Variants in ZFC3H1 observed in about 807,000 individuals in gnomAD.
The protein encoded by ZFC3H1 is zinc finger C3H1-type containing, also known as zinc finger C3H1 domain-containing protein.
ZFC3H1 carries 71 observed loss-of-function variants against 243.7 expected under a neutral mutation model. The observed-to-expected ratio is 0.29, with a 90% CI of 0.24 to 0.36. The LOEUF (loss-of-function observed/expected upper bound fraction) is 0.36, where lower values mean the gene tolerates loss of function less well. ZFC3H1 is among the 10% of genes least tolerant of loss of function. The pLI is 1.00. For missense variants in ZFC3H1, 1,966 were observed against 2,317.1 expected (o/e 0.85, Z 3.11); for synonymous variants, 838 against 813.0 (o/e 1.03, Z -0.52).
chr12:71,648,483 G>A (rs1480557375), intron 2 of ZFC3H1, among the ~76,000 whole-genome samples: 2 of 152,182 alleles, frequency 1.3e-5, no homozygotes, highest in Middle Eastern at 6.8e-3. Context: ...AGCTAAAACA[G>A]ATTATGTTAA....
Position 71,610,362 on chromosome 12 carries a change from C to A in ZFC3H1, c.*66G>T. 1 of 1,564,308 alleles carries A rather than the reference C, an allele frequency of 6.4e-7. No homozygotes were observed. Among genetic ancestry groups the A allele is most frequent in the Non-Finnish European group, 8.7e-7 (1 of 1,151,984 alleles). The stretch of plus-strand genomic sequence containing the variant: ...GACCTTAGCCAGGGATCAGCCTAAT[C>A]TTGAAGAATCATTCAAATAATTTTG... On this transcript the variant is annotated 3_prime_UTR_variant, in exon 35 of 35. Coordinates refer to ENST00000378743, the MANE Select transcript of ZFC3H1 (RefSeq NM_144982.5).
At chr12:71,620,961 A>T (rs184136270) in intron 24 of ZFC3H1, among the ~76,000 whole-genome samples, 2 of 152,364 alleles carry the variant, frequency 1.3e-5, no homozygotes, top group East Asian at 1.9e-4. Context: ...ATAAGGACTC[A>T]TATCTAACCA....
intron 27 of ZFC3H1, among the ~76,000 whole-genome samples, chr12:71,618,180 G>T (rs2137518113): frequency 6.6e-6 from 1 of 152,018 alleles, no homozygotes; most frequent in East Asian, 1.9e-4. Flanking sequence ...CAGGAGAATT[G>T]CTTGAACCTG....
At chr12:71,616,090 G>T (rs1178392714) in intron 27 of ZFC3H1, among the ~76,000 whole-genome samples, 1 of 152,100 alleles carries the variant, frequency 6.6e-6, no homozygotes, top group Non-Finnish European at 1.5e-5. Flanking sequence ...AGGAGTTCAA[G>T]ATCAGCCTGG....
chr12:71,634,336 A>G (rs535231862), intron 11 of ZFC3H1, 32 bp from the exon 12 acceptor site: 61 of 1,595,422 alleles, frequency 3.8e-5, no homozygotes, highest in Non-Finnish European at 4.9e-5. Context: ...TATGCATTAC[A>G]CCCAAGAATA....
At chr12:71,623,666 C>A in intron 23 of ZFC3H1, 69 bp from the exon 24 acceptor site, 2 of 1,130,450 alleles carry the variant, frequency 1.8e-6, no homozygotes, top group South Asian at 1.5e-5. Context: ...ATAATTTTTA[C>A]TATGCTAAAG....
rs761221429 is a variant in ZFC3H1, at chr12:71,631,005, G to A, written c.3471-51C>T. ...TATTATGCCCAACAAACATTCCTCA[G>A]AAAACTAAGAAAACTTTAGTTTTTC... On this transcript the variant is annotated intron_variant, in intron 16 of 34. Transcript: ENST00000378743. 3 of 1,440,298 alleles carry A rather than the reference G, an allele frequency of 2.1e-6. No homozygotes were observed. In the South Asian group the frequency reaches 5.0e-5, roughly 24 times the overall value. The allele number at this position is 1,440,298 out of a possible 1,614,324, so 89.2% of individuals were successfully genotyped here. A position where few individuals can be genotyped will look rare whatever the true frequency, so the allele number is the denominator to read the frequency against.
intron 24 of ZFC3H1, among the ~76,000 whole-genome samples, chr12:71,623,085 A>G (rs1441754183): frequency 6.6e-6 from 1 of 152,154 alleles, no homozygotes; most frequent in Non-Finnish European, 1.5e-5. Flanking sequence ...AAACTTACAT[A>G]ATTTATTTTC....
chr12:71,634,900 C>A, intron 10 of ZFC3H1, 75 bp from the exon 11 acceptor site: 1 of 1,483,584 alleles, frequency 6.7e-7, no homozygotes. Flanking sequence ...TTATATTTTA[C>A]ATTGCAACCC....
At chr12:71,647,493 A>G (rs1880757577) in intron 3 of ZFC3H1, among the ~76,000 whole-genome samples, 1 of 152,180 alleles carries the variant, frequency 6.6e-6, no homozygotes. Context: ...AAAGGTTTCA[A>G]AAAACAAATG....
chr12:71,614,408 T>C, intron 30 of ZFC3H1, 127 bp downstream of exon 30: 1 of 846,310 alleles, frequency 1.2e-6, no homozygotes, highest in Non-Finnish European at 1.7e-6. Context: ...TAGTCAAGAA[T>C]AATAGTGAAT....
intron 24 of ZFC3H1, among the ~76,000 whole-genome samples, chr12:71,621,505 C>T (rs774631349): frequency 2.0e-5 from 3 of 151,892 alleles, no homozygotes; most frequent in African/African-American, 7.3e-5. Context: ...GGTTTCACCA[C>T]GTTGGCCAGG....
In ZFC3H1 at chr12:71,663,287, T is replaced by C. The variant is rs1465068334; in HGVS notation, c.324A>G (p.Glu108=). ...CAGAAGGCGGATGAGACCGGAACGGTTCTTTGGGTCGGTAGCTGCTGGGTC... is the reference window on the plus strand; with the variant it reads ...CAGAAGGCGGATGAGACCGGAACGGCTCTTTGGGTCGGTAGCTGCTGGGTC... ...LRGPSSYRPK[E]PFRSHPPSVR... The change falls in exon 1 of 35, where the codon GAA becomes GAG. Residue 108 remains glutamate (E), a synonymous_variant. Coordinates refer to ENST00000378743, the MANE Select transcript of ZFC3H1 (RefSeq NM_144982.5). 3 of 1,613,300 alleles carry C rather than the reference T, an allele frequency of 1.9e-6. No individual in the cohort carries two copies. In the South Asian group the frequency reaches 3.3e-5, roughly 18 times the overall value.
chr12:71,628,166 T>G (rs1294904065), intron 20 of ZFC3H1, among the ~76,000 whole-genome samples: 1 of 152,172 alleles, frequency 6.6e-6, no homozygotes, highest in Non-Finnish European at 1.5e-5. Flanking sequence ...AAGGAGTAAT[T>G]AGAACTCTGC....
rs1879734518 is a variant in ZFC3H1, at chr12:71,610,245, A to G, written c.*183T>C. The G allele has an allele frequency of 4.6e-6, 3 of 646,466 alleles. No homozygotes were observed. The highest frequency in any genetic ancestry group is 3.3e-5 in the Admixed American group (1 of 30,288). The allele number at this position is 646,466 out of a possible 1,614,324, so 40.0% of individuals were successfully genotyped here. On this transcript the variant is annotated 3_prime_UTR_variant, in exon 35 of 35. Transcript: ENST00000378743. ...GCCAAACAGGAAGTTCATTTATCCA[A>G]CCGAAGAGGATCATGTTCATTGCTT...
At position 71,631,981 on chromosome 12, in the gene ZFC3H1, C is replaced by T; in HGVS notation, c.3351G>A (p.Leu1117=). 1 of 1,599,104 alleles carries T rather than the reference C, an allele frequency of 6.3e-7. No individual in the cohort carries two copies. The highest frequency in any genetic ancestry group is 8.5e-7 in the Non-Finnish European group (1 of 1,174,298). The change falls in exon 15 of 35, where the codon TTG becomes TTA. Residue 1117 remains leucine (L), a synonymous_variant. Transcript: ENST00000378743. ...KTTTGITEKV[L]HGQEISVDVD... Reference sequence around the variant, plus strand: ...TGAAATGTTCAGTTACCTGACCATGCAAAACCTTCTCTGTAATGCCTGTGG... The same window carrying T: ...TGAAATGTTCAGTTACCTGACCATGTAAAACCTTCTCTGTAATGCCTGTGG...
At chr12:71,656,126 G>C (rs1195176395) in intron 2 of ZFC3H1, among the ~76,000 whole-genome samples, 1 of 152,152 alleles carries the variant, frequency 6.6e-6, no homozygotes. Context: ...TAAGGGCTGA[G>C]GGACGGGATA....
chr12:71,623,581 G>A lies in ZFC3H1; in HGVS notation c.4523C>T (p.Ala1508Val), dbSNP rs1267768040. The A allele has an allele frequency of 5.0e-6, 8 of 1,607,886 alleles. No homozygotes were observed. The highest frequency in any genetic ancestry group is 6.8e-6 in the Non-Finnish European group (8 of 1,178,196). The change falls in exon 24 of 35, where the codon GCT becomes GTT. Residue 1508 changes from alanine (A) to valine (V), a missense_variant. Ala to Val is a moderately conservative substitution (Grantham distance 64, BLOSUM62 0). Transcript: ENST00000378743. ...LAILQNALKS[A>V]NDGIVAEYLK... ...GTATTCAGCTACTATTCCATCATTA[G>A]CAGATTTCAATGCATTCTAGGCAAA... is the stretch of plus-strand genomic sequence containing the variant.
intron 24 of ZFC3H1, 93 bp from the exon 25 acceptor site, chr12:71,620,408 A>G (rs562932791): frequency 4.7e-6 from 6 of 1,269,100 alleles, no homozygotes; most frequent in East Asian, 2.3e-5. Flanking sequence ...CCAATGGGAA[A>G]AGATGACCCC....
Sources: gnomAD v4.1 joint callset for allele counts (sites outside exome capture counted in the v4.1 genomes callset) on GRCh38, gnomAD v4.1.1 for gene constraint, MANE v1.5 for transcripts, NCBI Gene and HGNC (gene_info 2026-07-23, HGNC 2026-07-21) for gene names.